DAB1: variants seen among roughly 807,000 people sequenced by gnomAD.
The protein encoded by DAB1 is disabled homolog 1.
In DAB1, 15 loss-of-function variants were observed where a neutral mutation model predicts 64.6. The ratio of observed to expected loss-of-function variants is 0.23; its 90% confidence interval spans 0.16 to 0.36. DAB1 has a LOEUF of 0.36. Ranked by LOEUF, DAB1 falls within the 10% of genes least tolerant of loss-of-function variation. The pLI, the probability that DAB1 is intolerant of heterozygous loss-of-function variation, is 1.00. For missense variants in DAB1, 596 were observed against 706.7 expected (o/e 0.84, Z 1.78); for synonymous variants, 235 against 251.9 (o/e 0.93, Z 0.64).
intron 4 of DAB1, among the ~76,000 whole-genome samples, chr1:57,119,761 A>G (rs1363554468): frequency 1.3e-5 from 2 of 152,088 alleles, no homozygotes; most frequent in African/African-American, 4.8e-5. Context: ...TCCATCCCCA[A>G]CCATGTGGGC....
intron 1 of DAB1, among the ~76,000 whole-genome samples, chr1:57,839,090 CT>C (rs1474355453): frequency 3.3e-5 from 5 of 152,182 alleles, no homozygotes; most frequent in Non-Finnish European, 5.9e-5. Flanking sequence ...CAAATTCTTT[CT>C]CTTAAGCCCC....
chr1:57,092,236 C>T (rs1052346061), intron 4 of DAB1, among the ~76,000 whole-genome samples: 5 of 152,188 alleles, frequency 3.3e-5, no homozygotes, highest in Admixed American at 3.3e-4. Flanking sequence ...AAGCACCATA[C>T]TGGACCCTAG....
chr1:57,425,809 C>A (rs1048648820), upstream of DAB1, among the ~76,000 whole-genome samples: 1 of 152,162 alleles, frequency 6.6e-6, no homozygotes, highest in African/African-American at 2.4e-5. Flanking sequence ...AGAAACTAGC[C>A]TAAGTCTCTA....
chr1:58,500,458 C>T (rs1362915619), intron 3 of DAB1, among the ~76,000 whole-genome samples: 5 of 152,066 alleles, frequency 3.3e-5, no homozygotes, highest in Non-Finnish European at 7.4e-5. Flanking sequence ...CAATTATAAA[C>T]GTGTAAGAAT....
chr1:57,656,102 C>T (rs752170557), intron 6 of DAB1, among the ~76,000 whole-genome samples: 1 of 152,154 alleles, frequency 6.6e-6, no homozygotes, highest in Non-Finnish European at 1.5e-5. Flanking sequence ...AGAGTTCTCT[C>T]ACTCTTTTTC....
At chr1:57,537,437 C>T (rs1478765587) in intron 7 of DAB1, among the ~76,000 whole-genome samples, 2 of 152,204 alleles carry the variant, frequency 1.3e-5, no homozygotes, top group African/African-American at 4.8e-5. Context: ...TTGGGCTTTT[C>T]TCTATTGCAG....
chr1:58,274,753 G>A (rs558990473), intron 4 of DAB1, among the ~76,000 whole-genome samples: 43 of 152,258 alleles, frequency 2.8e-4, no homozygotes, highest in African/African-American at 9.1e-4. Context: ...TATTCGGGTG[G>A]GAGTGACCCG....
chr1:57,455,242 C>T (rs369945422), intron 7 of DAB1, among the ~76,000 whole-genome samples: 23 of 152,184 alleles, frequency 1.5e-4, no homozygotes, highest in Middle Eastern at 3.4e-3. Context: ...TAGGAAGGGA[C>T]GGGTCATTTT....
intron 6 of DAB1, among the ~76,000 whole-genome samples, chr1:57,799,160 A>G (rs956356290): frequency 1.3e-5 from 2 of 152,162 alleles, no homozygotes; most frequent in East Asian, 1.9e-4. Context: ...ATCTCTGTGA[A>G]GGTGAAATGA....
At chr1:57,526,696 C>G (rs2101401021) in intron 7 of DAB1, among the ~76,000 whole-genome samples, 1 of 152,290 alleles carries the variant, frequency 6.6e-6, no homozygotes. Flanking sequence ...TATTTTCTGT[C>G]CTCACAGAGC....
At chr1:58,379,354 C>T (rs1307333731) in intron 3 of DAB1, among the ~76,000 whole-genome samples, 1 of 152,242 alleles carries the variant, frequency 6.6e-6, no homozygotes, top group Non-Finnish European at 1.5e-5. Context: ...CATACTACTA[C>T]TAATGGCTCT....
At chr1:57,214,166 G>A (rs1167784205) in intron 2 of DAB1, among the ~76,000 whole-genome samples, 2 of 152,212 alleles carry the variant, frequency 1.3e-5, no homozygotes, top group Non-Finnish European at 2.9e-5. Context: ...GGGGCCAGCA[G>A]ACTTGGTGTC....
chr1:57,045,141 A>G (rs1295522266), intron 9 of DAB1, among the ~76,000 whole-genome samples: 2 of 152,220 alleles, frequency 1.3e-5, no homozygotes, highest in African/African-American at 4.8e-5. Context: ...TGAGGAGAAC[A>G]AAAGGTATAA....
intron 6 of DAB1, among the ~76,000 whole-genome samples, chr1:57,669,985 T>C (rs563992008): frequency 5.9e-5 from 9 of 152,286 alleles, no homozygotes; most frequent in South Asian, 4.1e-4. Context: ...AATATAACGA[T>C]ATTGGTACAT....
intron 6 of DAB1, among the ~76,000 whole-genome samples, chr1:57,777,815 T>C (rs2101838741): frequency 6.6e-6 from 1 of 152,260 alleles, no homozygotes; most frequent in East Asian, 1.9e-4. Context: ...CTTCTTCACA[T>C]GTCCCGTCAT....
chr1:57,057,689 G>C (rs1224956875), intron 9 of DAB1, among the ~76,000 whole-genome samples: 1 of 150,194 alleles, frequency 6.7e-6, no homozygotes, highest in Non-Finnish European at 1.5e-5. Flanking sequence ...CTCACTGCAA[G>C]CTCTGCCTCC....
At chr1:57,168,495 C>T (rs1661415942) in intron 2 of DAB1, among the ~76,000 whole-genome samples, 1 of 152,168 alleles carries the variant, frequency 6.6e-6, no homozygotes, top group African/African-American at 2.4e-5. Flanking sequence ...GTCTTCACAT[C>T]TGTGAATTTT....
rs1428123965 is a variant in DAB1, at chr1:57,071,597, A to G, written c.483T>C (p.Ile161=). The G allele has an allele frequency of 6.2e-7, 1 of 1,613,270 alleles. No homozygotes were observed. Among genetic ancestry groups the G allele is most frequent in the Non-Finnish European group, 8.5e-7 (1 of 1,179,424 alleles). The change falls in exon 6 of 15, where the codon ATT becomes ATC. Residue 161 remains isoleucine, a synonymous_variant. Transcript: ENST00000371236. Reference sequence around the variant, plus strand: ...ATTCTTCTCTTTGCTTCAATTCATAAATGAGTTGAAAGAGATCTCTCAAGT... The same window carrying G: ...ATTCTTCTCTTTGCTTCAATTCATAGATGAGTTGAAAGAGATCTCTCAAGT... ...ILDLRDLFQL[I]YELKQREELE...
In DAB1 at chr1:58,508,595, T is replaced by C. The variant is rs574956098; in HGVS notation, n.108-2386A>G. Among the ~76,000 whole-genome samples, 15 of 152,228 alleles carry C rather than the reference T, an allele frequency of 9.9e-5. No homozygotes were observed. In the South Asian group the frequency reaches 2.7e-3, roughly 27 times the overall value. ...AACACCTGCAGCTCCCCACCACTCCTTGGGGAAGGAAAAACTTGGCTTGTG... is the reference window on the plus strand; with the variant it reads ...AACACCTGCAGCTCCCCACCACTCCCTGGGGAAGGAAAAACTTGGCTTGTG... On this transcript the variant is annotated intron_variant and non_coding_transcript_variant, in intron 2 of 20. Coordinates refer to the DAB1 transcript ENST00000485760.
Sources: allele counts gnomAD v4.1 joint callset (sites outside exome capture counted in the v4.1 genomes callset), GRCh38; gene constraint gnomAD v4.1.1; transcripts MANE v1.5; gene names NCBI Gene and HGNC (gene_info 2026-07-23, HGNC 2026-07-21).